Variants in SNED1 observed in about 807,000 individuals in gnomAD.
The protein encoded by SNED1 is sushi, nidogen and EGF-like domain-containing protein 1.
A neutral mutation model predicts 166.7 loss-of-function variants in SNED1; 81 were observed. The ratio of observed to expected loss-of-function variants is 0.49; its 90% CI spans 0.41 to 0.58. The LOEUF is 0.58. Among genes scored for constraint, SNED1 ranks in the 20% least tolerant of loss-of-function variants. The pLI is 0.00. For missense variants in SNED1, 1,604 were observed against 2,000.2 expected (o/e 0.80, Z 3.78); for synonymous variants, 762 against 822.0 (o/e 0.93, Z 1.25).
intron 4 of SNED1, among the ~76,000 whole-genome samples, chr2:241,036,424 G>A (rs1226453310): frequency 6.6e-6 from 1 of 152,124 alleles, no homozygotes; most frequent in Admixed American, 6.5e-5. Context: ...ACGGCTGAGT[G>A]CCAGCCTCGG....
At chr2:241,087,811 C>T (rs989334833) in intron 30 of SNED1, 3 of 738,896 alleles carry the variant, frequency 4.1e-6, no homozygotes, top group Non-Finnish European at 3.8e-6. Context: ...GCGCGTCGCT[C>T]TTTACTTTTT....
intron 1 of SNED1, among the ~76,000 whole-genome samples, chr2:241,004,978 C>T (rs574163962): frequency 8.9e-4 from 135 of 152,158 alleles, no homozygotes; most frequent in Non-Finnish European, 1.8e-3. Context: ...ACCTCAGCCT[C>T]ACAAAGTGCT....
chr2:241,061,797 G>T (rs2062239269), intron 16 of SNED1, among the ~76,000 whole-genome samples: 1 of 150,428 alleles, frequency 6.6e-6, no homozygotes, highest in South Asian at 2.1e-4. Flanking sequence ...AGGTTGTGGT[G>T]AGCCAAGATC....
In SNED1 at chr2:240,999,602, T is replaced by G. The variant is rs1210872262; in HGVS notation, c.213+552T>G. Among the ~76,000 whole-genome samples, 1 of 152,182 alleles carries G rather than the reference T, an allele frequency of 6.6e-6. No homozygotes were observed. The highest frequency in any genetic ancestry group is 1.9e-4 in the East Asian group (1 of 5,180). On this transcript the variant is annotated intron_variant, in intron 1 of 31. Transcript: ENST00000310397. The surrounding 1 kb of genome is among the most constrained non-coding windows in gnomAD (Gnocchi z 5.8). ...CCTCCTAGGCGGGCTAGCAACAGGC[T>G]TGCCCCTCCCTGCCGTCCTCTCCGC...
At chr2:241,089,845 C>A in intron 31 of SNED1, 1 of 1,407,194 alleles carries the variant, frequency 7.1e-7, no homozygotes, top group Non-Finnish European at 9.4e-7. Context: ...TGTGGCAGAG[C>A]CCATGCTCCC....
intron 16 of SNED1, among the ~76,000 whole-genome samples, chr2:241,054,855 G>A (rs555201128): frequency 1.3e-5 from 2 of 152,328 alleles, no homozygotes; most frequent in African/African-American, 4.8e-5. Flanking sequence ...TGTGGCTCAC[G>A]CCTGTAATCC....
intron 17 of SNED1, chr2:241,063,247 T>G: frequency 2.1e-6 from 1 of 481,346 alleles, no homozygotes; most frequent in Admixed American, 3.3e-5. Flanking sequence ...TGCACACTCT[T>G]GTACCTCGCT....
chr2:241,040,944 A>G (rs2061506770), intron 8 of SNED1: 1 of 422,456 alleles, frequency 2.4e-6, no homozygotes, highest in African/African-American at 2.1e-5. Flanking sequence ...CAGTATAAAA[A>G]TGGCTTTCGT....
intron 8 of SNED1, among the ~76,000 whole-genome samples, chr2:241,042,748 G>A (rs2061552426): frequency 6.6e-6 from 1 of 152,176 alleles, no homozygotes; most frequent in Non-Finnish European, 1.5e-5. Context: ...ATTTACAGCA[G>A]GTTAGATATT....
chr2:241,071,167 G>A (rs1045816848), intron 24 of SNED1, among the ~76,000 whole-genome samples: 2 of 152,184 alleles, frequency 1.3e-5, no homozygotes, highest in African/African-American at 4.8e-5. Flanking sequence ...CACATGCTGG[G>A]GTGGGGACTC....
intron 1 of SNED1, among the ~76,000 whole-genome samples, chr2:241,025,816 G>A (rs2060944542): frequency 6.6e-6 from 1 of 151,682 alleles, no homozygotes; most frequent in Non-Finnish European, 1.5e-5. Context: ...TTTCATTGTT[G>A]TATATGAGAA....
rs1197690060 is a variant in SNED1 at position 241,092,694 on chromosome 2, A to T, written c.*1058A>T. 6.6e-6 allele frequency: 1 copy of T among 152,272 alleles called. No homozygotes were observed. The highest frequency in any genetic ancestry group is 1.5e-5 in the Non-Finnish European group (1 of 68,060). 9.4% of individuals were successfully genotyped at this position (152,272 alleles called of 1,614,324 possible). On this transcript the variant is annotated 3_prime_UTR_variant, in exon 32 of 32. Coordinates refer to ENST00000310397, the MANE Select transcript of SNED1 (RefSeq NM_001080437.3). This position sits in a 1 kb window ranked among gnomAD's most constrained non-coding sequence, Gnocchi z 4.6. ...ACCTGGGCTGGGCTGGACAATGTTT[A>T]AGGTTCCTTTTAGTCCATGACTCAA... is the stretch of plus-strand genomic sequence containing the variant.
At position 241,018,144 on chromosome 2, in the gene SNED1, G is replaced by A. The variant is rs372299911; in HGVS notation, c.214-12140G>A. Among the ~76,000 whole-genome samples, 11 of 152,316 alleles carry A rather than the reference G, an allele frequency of 7.2e-5. No homozygotes were observed. In the East Asian group the frequency reaches 9.6e-4, roughly 13 times the overall value. On this transcript the variant is annotated intron_variant, in intron 1 of 31. Coordinates refer to ENST00000310397, the MANE Select transcript of SNED1 (RefSeq NM_001080437.3). This position sits in a 1 kb window ranked among gnomAD's most constrained non-coding sequence, Gnocchi z 5.4. ...TCTGAGAACCGCCATTCGCCTTGCC[G>A]TGGTCCCTGCTGTGCTGATTTGGTT...
In SNED1 at chr2:241,030,494, C is replaced by G. The variant is rs762949861; in HGVS notation, c.424C>G (p.Leu142Val). The change falls in exon 2 of 32, where the codon CTG becomes GTG. Residue 142 changes from leucine (L) to valine (V), a missense_variant. Physicochemically the swap from Leu to Val is conservative, Grantham distance 32. Around this residue, in one of 2 missense-constraint regions of SNED1, gnomAD observed 1,237 missense variants for 1,620.8 expected, o/e 0.76. Coordinates refer to ENST00000310397, the MANE Select transcript of SNED1 (RefSeq NM_001080437.3). ...EDVRHYFPEL[L>V]DFNATWVFVA... ...CGTCAGGCACTACTTCCCCGAGCTC[C>G]TGGACTTCAATGCCACCTGGGTTTT... 1 of 1,613,842 alleles carries G rather than the reference C, an allele frequency of 6.2e-7. No homozygotes were observed. The highest frequency in any genetic ancestry group is 8.5e-7 in the Non-Finnish European group (1 of 1,179,906).
At chr2:241,072,027 C>T (rs373058294) in intron 26 of SNED1, 149 bp downstream of exon 26, 33 of 778,016 alleles carry the variant, frequency 4.2e-5, no homozygotes, top group Admixed American at 6.0e-5. Flanking sequence ...GTGCACAAGG[C>T]GCGGGGCTCG....
intron 28 of SNED1, 61 bp downstream of exon 28, chr2:241,081,854 C>G: frequency 7.1e-6 from 9 of 1,275,172 alleles, no homozygotes; most frequent in Non-Finnish European, 1.0e-5. Flanking sequence ...CAGCCTAGGA[C>G]TGCTGGGCCA....
At chr2:241,090,529 T>A in intron 31 of SNED1, 1 of 1,426,930 alleles carries the variant, frequency 7.0e-7, no homozygotes. Flanking sequence ...GTACTCTACA[T>A]AATTGTATGT....
In SNED1 at chr2:241,048,345, C is replaced by A; in HGVS notation, c.1304C>A (p.Ser435Ter). ...CATCCAGTGCCAGACGCCTGCCTCT[C>A]GGCCCCTTGCCACAATGGGGGCACC... The part of the protein sequence containing the change: ...GDHPVPDACL[S>*]APCHNGGTCV... The change falls in exon 9 of 32, where the codon TCG becomes TAG. Residue 435 changes from serine to a stop codon, truncating the protein, a stop_gained. Coordinates refer to ENST00000310397, the MANE Select transcript of SNED1 (RefSeq NM_001080437.3). LOFTEE classifies it high-confidence loss of function. 6.2e-7 allele frequency: 1 copy of A among 1,610,338 alleles called. No homozygotes were observed. Among genetic ancestry groups the A allele is most frequent in the South Asian group, 1.1e-5 (1 of 90,166 alleles).
At chr2:241,049,199 TG>T in intron 11 of SNED1, 64 bp downstream of exon 11, 1 of 1,299,240 alleles carries the variant, frequency 7.7e-7, no homozygotes. Context: ...GAGAAAGCGG[TG>T]GATGAGGCAG....
Sources: allele counts gnomAD v4.1 joint callset (sites outside exome capture counted in the v4.1 genomes callset), GRCh38; gene constraint gnomAD v4.1.1; regional missense constraint gnomAD v4.1.1; non-coding constraint Gnocchi (gnomAD v3.1); transcripts MANE v1.5; gene names NCBI Gene and HGNC (gene_info 2026-07-23, HGNC 2026-07-21).